The following ROBO1 variants were observed in gnomAD, a reference collection of about 807,000 sequenced individuals.
The protein encoded by ROBO1 is roundabout homolog 1.
ROBO1 carries 149 observed loss-of-function variants against 195.9 expected under a neutral mutation model. That is an observed-to-expected ratio of 0.76 (90% CI 0.67 to 0.87). ROBO1 has a LOEUF of 0.87. ROBO1 is among the 40% of genes least tolerant of loss of function. ROBO1 has a pLI of 0.00. For synonymous variants in ROBO1, 816 were observed against 733.2 expected (o/e 1.11, Z -1.82); for missense variants, 1,933 against 2,068.3 (o/e 0.93, Z 1.27).
chr3:79,017,621 A>C (rs1278800290), intron 3 of ROBO1, among the ~76,000 whole-genome samples: 1 of 152,154 alleles, frequency 6.6e-6, no homozygotes, highest in Non-Finnish European at 1.5e-5. Context: ...AAAACTATTT[A>C]CAAGTGTAGA....
intron 2 of ROBO1, among the ~76,000 whole-genome samples, chr3:79,456,515 A>T: frequency 6.6e-6 from 1 of 152,138 alleles, no homozygotes; most frequent in African/African-American, 2.4e-5. Flanking sequence ...AGGAAAAGCT[A>T]TGGATCAATA....
At chr3:78,939,288 C>A (rs1201721059) in intron 3 of ROBO1, among the ~76,000 whole-genome samples, 1 of 152,052 alleles carries the variant, frequency 6.6e-6, no homozygotes, top group Non-Finnish European at 1.5e-5. Flanking sequence ...TCCCTGGAAC[C>A]TCCTTTTTAA....
At chr3:79,236,137 T>C (rs1484699176) in intron 2 of ROBO1, among the ~76,000 whole-genome samples, 1 of 152,100 alleles carries the variant, frequency 6.6e-6, no homozygotes, top group Non-Finnish European at 1.5e-5. Context: ...CTAGCAGCAA[T>C]ATGAACACAC....
At chr3:78,787,900 C>T (rs1247322277) in intron 4 of ROBO1, among the ~76,000 whole-genome samples, 1 of 147,230 alleles carries the variant, frequency 6.8e-6, no homozygotes, top group Non-Finnish European at 1.5e-5. Flanking sequence ...TGCATTTGAG[C>T]CTGGCCACAG....
intron 3 of ROBO1, among the ~76,000 whole-genome samples, chr3:79,117,145 T>C (rs2080019445): frequency 6.6e-6 from 1 of 151,884 alleles, no homozygotes. Flanking sequence ...GGTGGGCGGA[T>C]TGCCCGTAGC....
In ROBO1 at chr3:79,477,087, T is replaced by TA. The variant is rs954932963; in HGVS notation, c.88+112736dup. Among the ~76,000 whole-genome samples the TA allele has an allele frequency of 1.3e-4, 20 of 151,548 alleles. No individual in the cohort carries two copies. The East Asian group carries it at 2.5e-3, about 19-fold the overall frequency. On this transcript the variant is annotated intron_variant, in intron 2 of 30. Transcript: ENST00000464233. ...AACATCTACAGCAACTGTAATGTAA[T>TA]AAAAAAAAATCCGTGATTTTGGTTG...
intron 1 of ROBO1, among the ~76,000 whole-genome samples, chr3:79,709,312 T>C (rs1459029535): frequency 6.6e-6 from 1 of 152,138 alleles, no homozygotes. Context: ...AAATCTTTTT[T>C]AATAGTTTAT....
At chr3:78,938,165 G>A (rs544641002) in intron 4 of ROBO1, 32 of 162,560 alleles carry the variant, frequency 2.0e-4, no homozygotes, top group African/African-American at 6.5e-4. Flanking sequence ...GGAGGTCACC[G>A]TACTGACACC....
chr3:79,615,552 G>T (rs181498371), intron 1 of ROBO1, among the ~76,000 whole-genome samples: 220 of 152,160 alleles, frequency 1.4e-3, no homozygotes, highest in Non-Finnish European at 2.5e-3. Flanking sequence ...AAATAATTTT[G>T]GTTTACAGCA....
In ROBO1 at chr3:78,635,860, C is replaced by T. The variant is rs761961601; in HGVS notation, c.3286G>A (p.Glu1096Lys). ...TGTCCCAGTGGTTTCCAGTGCTTCTCGCCAGAGTCCCCGCTGCCATTGTTC... is the reference window on the plus strand; with the variant it reads ...TGTCCCAGTGGTTTCCAGTGCTTCTTGCCAGAGTCCCCGCTGCCATTGTTC... ...NMNNGSGDSGEKHWKPLGQQK... is the reference protein window; with the variant it reads ...NMNNGSGDSGKKHWKPLGQQK... The change falls in exon 23 of 31, where the codon GAG becomes AAG. Residue 1096 changes from glutamate to lysine, a missense_variant. Coordinates refer to ENST00000464233, the MANE Select transcript of ROBO1 (RefSeq NM_002941.4). The T allele has an allele frequency of 1.3e-5, 21 of 1,613,720 alleles. 1 individual carries two copies. The highest frequency in any genetic ancestry group is 3.3e-5 in the South Asian group (3 of 91,084).
At chr3:79,353,933 T>C (rs1334194575) in intron 2 of ROBO1, among the ~76,000 whole-genome samples, 1 of 151,840 alleles carries the variant, frequency 6.6e-6, no homozygotes, top group Non-Finnish European at 1.5e-5. Context: ...TAATCCCAGC[T>C]ACTCAGGAGG....
chr3:78,630,277 A>G (rs537726527), intron 25 of ROBO1, among the ~76,000 whole-genome samples: 113 of 152,356 alleles, frequency 7.4e-4, no homozygotes, highest in Middle Eastern at 3.4e-3. Flanking sequence ...AACATTTGCT[A>G]ACTCACTGTT....
chr3:78,662,067 C>A lies in ROBO1; in HGVS notation c.2014G>T (p.Glu672Ter). The change falls in exon 15 of 31, where the codon GAG (glutamate) becomes TAG (stop). Residue 672 changes from glutamate to a stop codon, truncating the protein, a stop_gained. Coordinates refer to ENST00000464233, the MANE Select transcript of ROBO1 (RefSeq NM_002941.4). LOFTEE classifies it high-confidence loss of function. ...AGGTGCAGAACAGCATTTCCCAGCT[C>A]TCTCTGGACCTGCTTGTGGTCCACC... ...QGVDHKQVQR[E>*]LGNAVLHLHN... 2 of 1,585,096 alleles carry A rather than the reference C, an allele frequency of 1.3e-6. No homozygotes were observed. Among genetic ancestry groups the A allele is most frequent in the South Asian group, 1.2e-5 (1 of 86,520 alleles).
At chr3:78,645,170 C>G (rs988725113) in intron 21 of ROBO1, among the ~76,000 whole-genome samples, 1 of 152,126 alleles carries the variant, frequency 6.6e-6, no homozygotes, top group African/African-American at 2.4e-5. Context: ...AAGATTAGTA[C>G]TTGTTGCCAA....
chr3:79,183,080 CAAAA>C (rs1304597488), intron 2 of ROBO1, among the ~76,000 whole-genome samples: 1 of 64,812 alleles, frequency 1.5e-5, no homozygotes, highest in Admixed American at 1.8e-4. Flanking sequence ...GACTCCAACT[CAAAA>C]AAAAAAAAAA....
chr3:79,763,116 G>A (rs932545165), intron 1 of ROBO1, among the ~76,000 whole-genome samples: 1 of 152,122 alleles, frequency 6.6e-6, no homozygotes, highest in African/African-American at 2.4e-5. Flanking sequence ...TTTCTAGGTG[G>A]AGATGAAATT....
At chr3:79,522,159 T>C (rs1474681605) in intron 2 of ROBO1, among the ~76,000 whole-genome samples, 2 of 152,282 alleles carry the variant, frequency 1.3e-5, no homozygotes, top group East Asian at 3.9e-4. Context: ...TTTGGTATAA[T>C]AAATTCTGTA....
intron 2 of ROBO1, among the ~76,000 whole-genome samples, chr3:79,535,514 T>C (rs1195965847): frequency 1.3e-5 from 2 of 152,108 alleles, no homozygotes; most frequent in Non-Finnish European, 2.9e-5. Context: ...CATGATCCAC[T>C]CCTTTCTTGG....
At chr3:79,039,406 G>A (rs1319063118) in intron 3 of ROBO1, among the ~76,000 whole-genome samples, 1 of 152,104 alleles carries the variant, frequency 6.6e-6, no homozygotes, top group Non-Finnish European at 1.5e-5. Flanking sequence ...GTCATCTGTG[G>A]GTCAGGAGAT....
Sources: gnomAD v4.1 joint callset for allele counts (sites outside exome capture counted in the v4.1 genomes callset) on GRCh38, gnomAD v4.1.1 for gene constraint, MANE v1.5 for transcripts, NCBI Gene and HGNC (gene_info 2026-07-23, HGNC 2026-07-21) for gene names.